MTF2: variants seen among roughly 807,000 people sequenced by gnomAD.
MTF2 encodes the protein metal-response element-binding transcription factor 2.
Under a neutral mutation model 79.5 loss-of-function variants are expected in MTF2, and 11 were observed. The ratio of observed to expected loss-of-function variants is 0.14; its 90% confidence interval spans 0.09 to 0.23. The LOEUF is 0.23. Ranked by LOEUF, MTF2 falls within the 10% of genes least tolerant of loss-of-function variation. The pLI is 1.00. For missense variants in MTF2, 486 were observed against 711.2 expected, an observed-to-expected ratio of 0.68 and a Z score of 3.60; for synonymous variants, 208 against 232.8, an observed-to-expected ratio of 0.89 and a Z score of 0.97.
chr1:93,085,790 G>A (rs1473860534), intron 1 of MTF2, among the ~76,000 whole-genome samples: 2 of 152,092 alleles, frequency 1.3e-5, no homozygotes, highest in Admixed American at 6.6e-5. Context: ...CCCAGCCAGG[G>A]CCAACTTTTA....
intron 1 of MTF2, among the ~76,000 whole-genome samples, chr1:93,106,025 AT>A (rs939638153): frequency 6.6e-6 from 1 of 152,016 alleles, no homozygotes; most frequent in Non-Finnish European, 1.5e-5. Flanking sequence ...AATCTCAGTA[AT>A]TTTTTCCTGG....
At chr1:93,117,534 T>C (rs892764928) in intron 6 of MTF2, among the ~76,000 whole-genome samples, 2 of 152,272 alleles carry the variant, frequency 1.3e-5, no homozygotes, top group African/African-American at 4.8e-5. Context: ...AGTCTTAGAT[T>C]AGATTTATGA....
At position 93,079,475 on chromosome 1, in the gene MTF2, G is replaced by T; in HGVS notation, c.-52G>T. ...TCGCAGGGGAAGCGCCCACGGGGAC[G>T]GATTGGTTGTTTTTTCCTGTATGAA... On this transcript the variant is annotated 5_prime_UTR_variant, in exon 1 of 15. Transcript: ENST00000370298. 2.5e-6 allele frequency: 4 copies of T among 1,613,372 alleles called. No individual in the cohort carries two copies. The highest frequency in any genetic ancestry group is 3.4e-6 in the Non-Finnish European group (4 of 1,179,658).
chr1:93,127,205 G>A (rs150532180), intron 9 of MTF2, 27 bp from the exon 10 acceptor site: 258 of 1,550,848 alleles, frequency 1.7e-4, no homozygotes, highest in Middle Eastern at 5.1e-4. Context: ...ATTGTAGTGC[G>A]TTAAATTGTT....
intron 1 of MTF2, among the ~76,000 whole-genome samples, chr1:93,102,540 C>A (rs1655589799): frequency 6.6e-6 from 1 of 151,946 alleles, no homozygotes; most frequent in African/African-American, 2.4e-5. Context: ...TGCAGTGACC[C>A]ATGATTGCAC....
intron 1 of MTF2, among the ~76,000 whole-genome samples, chr1:93,086,437 T>A (rs1654839355): frequency 7.1e-6 from 1 of 141,816 alleles, no homozygotes; most frequent in Non-Finnish European, 1.5e-5. Flanking sequence ...AGGCGGGGGC[T>A]GCAGTGAGCT....
intron 1 of MTF2, among the ~76,000 whole-genome samples, chr1:93,103,258 T>G (rs901932280): frequency 1.3e-5 from 2 of 151,196 alleles, no homozygotes; most frequent in African/African-American, 2.4e-5. Context: ...ATATATATAT[T>G]AATTCTCTTT....
At chr1:93,100,179 C>A (rs1291180695) in intron 1 of MTF2, among the ~76,000 whole-genome samples, 1 of 152,132 alleles carries the variant, frequency 6.6e-6, no homozygotes, top group Non-Finnish European at 1.5e-5. Flanking sequence ...CCACTTGCCT[C>A]TGAGAGTAAG....
rs773389718 is a variant in MTF2, at chr1:93,134,084, G to A, written c.1320-7G>A. ...GTCGTTACACAATTTAAATTCTTTT[G>A]TCTCAGGAGAACTGAGGGAACTGCA... On this transcript the variant is annotated splice_polypyrimidine_tract_variant and splice_region_variant and intron_variant, in intron 13 of 14. Transcript: ENST00000370298. The A allele has an allele frequency of 1.3e-6, 2 of 1,598,714 alleles. No homozygotes were observed. Among genetic ancestry groups the A allele is most frequent in the Non-Finnish European group, 1.7e-6 (2 of 1,171,284 alleles).
At chr1:93,119,541 G>A (rs1656389195) in intron 8 of MTF2, 140 bp downstream of exon 8, 1 of 601,182 alleles carries the variant, frequency 1.7e-6, no homozygotes, top group Non-Finnish European at 2.9e-6. Context: ...TTATCCTCAT[G>A]CCTGATGTCA....
intron 1 of MTF2, among the ~76,000 whole-genome samples, chr1:93,080,466 C>T (rs1654559521): frequency 6.6e-6 from 1 of 152,106 alleles, no homozygotes; most frequent in Non-Finnish European, 1.5e-5. Flanking sequence ...TGGGAAAAGG[C>T]TTATGGAATG....
chr1:93,082,001 G>A (rs1365278513), intron 1 of MTF2, among the ~76,000 whole-genome samples: 1 of 152,080 alleles, frequency 6.6e-6, no homozygotes, highest in Non-Finnish European at 1.5e-5. Context: ...TTAAGATGAA[G>A]TATTCATTTT....
At chr1:93,106,156 G>A (rs1383383241) in intron 1 of MTF2, among the ~76,000 whole-genome samples, 1 of 152,092 alleles carries the variant, frequency 6.6e-6, no homozygotes, top group Admixed American at 6.5e-5. Flanking sequence ...AGAAATATTA[G>A]GAGAAGCAGG....
At chr1:93,094,859 A>G (rs907985784) in intron 1 of MTF2, among the ~76,000 whole-genome samples, 2 of 152,154 alleles carry the variant, frequency 1.3e-5, no homozygotes, top group Admixed American at 1.3e-4. Context: ...ATTGGCTTGA[A>G]TATATTTATA....
chr1:93,134,183 C>G lies in MTF2; in HGVS notation c.1412C>G (p.Ser471Cys). ...SAKETTSSSISRHYGLSDSRK... is the reference protein window; with the variant it reads ...SAKETTSSSICRHYGLSDSRK... ...AAAGAAACTACCTCGTCTAGCATTTCCAGGCATTATGGGTAGATATTTTAC... is the reference window on the plus strand; with the variant it reads ...AAAGAAACTACCTCGTCTAGCATTTGCAGGCATTATGGGTAGATATTTTAC... Residue 471 changes from serine to cysteine, a missense_variant, in exon 14 of 15, where the codon TCC becomes TGC. Transcript: ENST00000370298. The G allele has an allele frequency of 1.9e-6, 3 of 1,605,508 alleles. No homozygotes were observed. The highest frequency in any genetic ancestry group is 2.6e-6 in the Non-Finnish European group (3 of 1,173,202).
chr1:93,137,704 A>G lies in MTF2; in HGVS notation c.*677A>G, dbSNP rs1647459957. 3 of 152,184 alleles carry G rather than the reference A, an allele frequency of 2.0e-5. No individual in the cohort carries two copies. The highest frequency in any genetic ancestry group is 4.4e-5 in the Non-Finnish European group (3 of 68,012). 9.4% of individuals were successfully genotyped at this position (152,184 alleles called of 1,614,324 possible). On this transcript the variant is annotated 3_prime_UTR_variant, in exon 15 of 15. Transcript: ENST00000370298. ...TGGGCAGCTTTGGAGTATATATCCC[A>G]TAATTCTTTTTTCAGGAATAGTTGC...
rs1656970642 is a variant in MTF2, at chr1:93,132,760, A to ATTGT, written c.1161-942_1161-939dup. On this transcript the variant is annotated intron_variant, in intron 11 of 14. Transcript: ENST00000370298. ...TTCTCCATTCATCTCTTTCTAGGCT[A>ATTGT]TTGTATAGTGTTCTTTTTTCTCTCC... Among the ~76,000 whole-genome samples, 3 of 151,670 alleles carry ATTGT rather than the reference A, an allele frequency of 2.0e-5. No individual in the cohort carries two copies. In the South Asian group the frequency reaches 6.2e-4, roughly 32 times the overall value.
chr1:93,088,602 C>T (rs1175892557), intron 1 of MTF2, among the ~76,000 whole-genome samples: 3 of 152,122 alleles, frequency 2.0e-5, no homozygotes, highest in Non-Finnish European at 4.4e-5. Flanking sequence ...ATCTCACTTT[C>T]TTGCCCAGGC....
chr1:93,137,118 TA>T lies in MTF2; in HGVS notation c.*105del, dbSNP rs574626028. ...GGAGTCTGGCTTTTACTATCTTTCT[TA>T]AAAAAAAAAAAAAGTCAAAAAAATT... is the stretch of plus-strand genomic sequence containing the variant. On this transcript the variant is annotated 3_prime_UTR_variant, in exon 15 of 15. Transcript: ENST00000370298. The T allele has an allele frequency of 0.13, 98,622 of 764,122 alleles. No individual in the cohort carries two copies. The highest frequency in any genetic ancestry group is 0.17 in the East Asian group (4,963 of 28,682). 47.3% of individuals were successfully genotyped at this position (764,122 alleles called of 1,614,324 possible).
Sources: gnomAD v4.1 joint callset for allele counts (sites outside exome capture counted in the v4.1 genomes callset) on GRCh38, gnomAD v4.1.1 for gene constraint, MANE v1.5 for transcripts, NCBI Gene and HGNC (gene_info 2026-07-23, HGNC 2026-07-21) for gene names.